Variants in CENPQ observed in about 807,000 individuals in gnomAD.
The protein encoded by CENPQ is chromosome 6 open reading frame 139.
CENPQ carries 27 observed loss-of-function variants against 36.6 expected under a neutral mutation model. The ratio of observed to expected loss-of-function variants is 0.74; its 90% CI spans 0.54 to 1.02. The LOEUF (loss-of-function observed/expected upper bound fraction) is 1.02, where lower values mean the gene tolerates loss of function less well. Ranked by LOEUF, CENPQ falls within the 50% of genes least tolerant of loss-of-function variation. CENPQ has a pLI of 0.00. For missense variants in CENPQ, 306 were observed against 301.8 expected, an observed-to-expected ratio of 1.01 and a Z score of -0.10; for synonymous variants, 101 against 101.7, an observed-to-expected ratio of 0.99 and a Z score of 0.04.
At chr6:49,467,642 G>C (rs186064239) in intron 1 of CENPQ, among the ~76,000 whole-genome samples, 200 of 152,260 alleles carry the variant, frequency 1.3e-3, no homozygotes, top group Non-Finnish European at 2.6e-3. Flanking sequence ...TTCCACACTT[G>C]ATTATGGCAA....
chr6:49,481,723 C>A (rs1768434345), intron 6 of CENPQ, among the ~76,000 whole-genome samples: 1 of 152,206 alleles, frequency 6.6e-6, no homozygotes. Flanking sequence ...CACAAAGGTT[C>A]TCCACGTCCC....
chr6:49,485,400 A>G (rs1415978493), intron 6 of CENPQ, among the ~76,000 whole-genome samples: 1 of 152,200 alleles, frequency 6.6e-6, no homozygotes, highest in Non-Finnish European at 1.5e-5. Flanking sequence ...GACTCCCTTG[A>G]TCTTGTCATA....
intron 6 of CENPQ, among the ~76,000 whole-genome samples, chr6:49,485,486 T>C (rs564203280): frequency 7.9e-5 from 12 of 152,110 alleles, no homozygotes; most frequent in Non-Finnish European, 1.0e-4. Context: ...ATAACATTCC[T>C]GATACACCGA....
chr6:49,471,336 TC>T (rs1445875600), intron 3 of CENPQ, among the ~76,000 whole-genome samples: 3 of 152,200 alleles, frequency 2.0e-5, no homozygotes, highest in African/African-American at 7.2e-5. Flanking sequence ...TACTAATTTT[TC>T]TTCAAGACAA....
intron 5 of CENPQ, among the ~76,000 whole-genome samples, chr6:49,473,153 TC>T (rs1266349078): frequency 1.3e-5 from 2 of 152,208 alleles, no homozygotes; most frequent in Non-Finnish European, 1.5e-5. Context: ...CCCTTCAACT[TC>T]ATTTTTAATA....
chr6:49,474,692 A>G (rs576290852), intron 5 of CENPQ, among the ~76,000 whole-genome samples: 1 of 152,322 alleles, frequency 6.6e-6, no homozygotes, highest in African/African-American at 2.4e-5. Flanking sequence ...GAGACACAAA[A>G]AACCCTTCAA....
intron 6 of CENPQ, among the ~76,000 whole-genome samples, chr6:49,486,761 T>C (rs1768591734): frequency 1.3e-5 from 2 of 152,126 alleles, no homozygotes; most frequent in Non-Finnish European, 2.9e-5. Flanking sequence ...TAGAGCTGTA[T>C]ACTGAAATAT....
At chr6:49,466,173 G>A (rs769172092) in intron 1 of CENPQ, among the ~76,000 whole-genome samples, 6 of 152,110 alleles carry the variant, frequency 3.9e-5, no homozygotes, top group South Asian at 2.1e-4. Context: ...AAAACACAAC[G>A]CAACATTTAC....
chr6:49,470,013 CA>C, intron 1 of CENPQ, 145 bp from the exon 2 acceptor site: 3 of 484,240 alleles, frequency 6.2e-6, no homozygotes, highest in Non-Finnish European at 1.1e-5. Flanking sequence ...ATACTATCCC[CA>C]AACTTTTATT....
intron 3 of CENPQ, among the ~76,000 whole-genome samples, chr6:49,471,653 C>T (rs747422872): frequency 6.6e-6 from 1 of 152,014 alleles, no homozygotes; most frequent in African/African-American, 2.4e-5. Flanking sequence ...TAGAACAGTA[C>T]CAACAGCATA....
At chr6:49,485,582 T>G (rs1355761823) in intron 6 of CENPQ, among the ~76,000 whole-genome samples, 1 of 151,930 alleles carries the variant, frequency 6.6e-6, no homozygotes, top group Non-Finnish European at 1.5e-5. Flanking sequence ...GAAAAAATGA[T>G]AGAAAGTATA....
In CENPQ at chr6:49,477,824, A is replaced by T. The variant is rs536339069; in HGVS notation, c.348-3127A>T. 8.5e-5 allele frequency among the ~76,000 whole-genome samples: 13 copies of T among 152,354 alleles called. No individual in the cohort carries two copies. In the South Asian group the frequency reaches 2.7e-3, roughly 32 times the overall value. On this transcript the variant is annotated intron_variant, in intron 5 of 8. Coordinates refer to ENST00000335783, the MANE Select transcript of CENPQ (RefSeq NM_018132.4). ...TTGCTTAAAGGTATAGCAGCCTATT[A>T]TTAAAGAAGGAAGAAGATATTAAAA...
At chr6:49,487,826 C>T (rs1372162539) in intron 6 of CENPQ, among the ~76,000 whole-genome samples, 2 of 152,134 alleles carry the variant, frequency 1.3e-5, no homozygotes, top group Admixed American at 1.3e-4. Context: ...TCATCTTCCT[C>T]TCTAAATTAT....
chr6:49,491,599 T>C (rs896240697), intron 8 of CENPQ, among the ~76,000 whole-genome samples: 5 of 152,206 alleles, frequency 3.3e-5, no homozygotes, highest in Non-Finnish European at 7.3e-5. Context: ...AAAGTCTTCA[T>C]GTTTTCTCAA....
chr6:49,471,316 A>G (rs1423010683), intron 3 of CENPQ, among the ~76,000 whole-genome samples: 2 of 152,226 alleles, frequency 1.3e-5, no homozygotes, highest in Non-Finnish European at 2.9e-5. Flanking sequence ...CTGTGATATA[A>G]ATACAAATGT....
At chr6:49,487,116 G>A (rs1197637454) in intron 6 of CENPQ, among the ~76,000 whole-genome samples, 3 of 382 alleles carry the variant, frequency 7.9e-3, no homozygotes, top group Admixed American at 0.062. Flanking sequence ...TAGTGCCATT[G>A]CACTCTAGCC....
In CENPQ at chr6:49,488,694, T is replaced by C; in HGVS notation, c.675+10T>C. ...AGCACCCACACTTCAGGTAAGTGCC[T>C]ATTTACCATATTGATTACAGGCATA... On this transcript the variant is annotated intron_variant, in intron 8 of 8. Coordinates refer to ENST00000335783, the MANE Select transcript of CENPQ (RefSeq NM_018132.4). The C allele has an allele frequency of 6.2e-7, 1 of 1,600,048 alleles. No homozygotes were observed. The highest frequency in any genetic ancestry group is 1.3e-5 in the African/African-American group (1 of 74,730).
In CENPQ at chr6:49,467,144, T is replaced by C. The variant is rs1035531780; in HGVS notation, c.-18-3015T>C. ...GTTAATAGTGCTGAGGTTGAGAAAC[T>C]TTGTGCTATAGTCTAGTGCCTCAAG... On this transcript the variant is annotated intron_variant, in intron 1 of 8. Transcript: ENST00000335783. Among the ~76,000 whole-genome samples the C allele has an allele frequency of 4.6e-5, 7 of 152,372 alleles. No individual in the cohort carries two copies. In the East Asian group the frequency reaches 1.2e-3, roughly 25 times the overall value.
chr6:49,477,875 T>C (rs1486190323), intron 5 of CENPQ, among the ~76,000 whole-genome samples: 3 of 152,216 alleles, frequency 2.0e-5, no homozygotes, highest in Admixed American at 6.5e-5. Context: ...ACAAGTATAA[T>C]GAAAATGTAG....
Sources: allele counts gnomAD v4.1 joint callset (sites outside exome capture counted in the v4.1 genomes callset), GRCh38; gene constraint gnomAD v4.1.1; transcripts MANE v1.5; gene names NCBI Gene and HGNC (gene_info 2026-07-23, HGNC 2026-07-21).